Variants in UBE2D2 observed in about 807,000 individuals in gnomAD.
UBE2D2 encodes the protein ubiquitin-conjugating enzyme E2 D2.
UBE2D2 carries 2 observed loss-of-function variants against 24.2 expected under a neutral mutation model. The observed-to-expected ratio is 0.08, with a 90% CI of 0.03 to 0.26. UBE2D2 has a LOEUF of 0.26. UBE2D2 is among the 10% of genes least tolerant of loss of function. UBE2D2 has a pLI of 1.00. For missense variants in UBE2D2, 44 were observed against 177.6 expected (o/e 0.25, Z 4.28); for synonymous variants, 58 against 56.5 (o/e 1.03, Z -0.12).
chr5:139,542,521 G>A (rs970702878), intron 1 of UBE2D2, among the ~76,000 whole-genome samples: 6 of 152,056 alleles, frequency 3.9e-5, no homozygotes, highest in African/African-American at 1.2e-4. Context: ...GGGTTTTGCC[G>A]TGTTGGCTAG....
intron 2 of UBE2D2, among the ~76,000 whole-genome samples, chr5:139,604,283 C>T (rs1185015643): frequency 6.6e-6 from 1 of 151,566 alleles, no homozygotes; most frequent in Non-Finnish European, 1.5e-5. Context: ...TGATTATAGG[C>T]ACGTGCCCCG....
intron 1 of UBE2D2, among the ~76,000 whole-genome samples, chr5:139,531,643 G>GA (rs1487505613): frequency 4.4e-5 from 6 of 134,958 alleles, no homozygotes; most frequent in African/African-American, 1.4e-4. Context: ...AAAAAAGAAA[G>GA]AAAAAGAAAG....
At chr5:139,592,802 C>T (rs1465586861) in intron 1 of UBE2D2, among the ~76,000 whole-genome samples, 1 of 151,264 alleles carries the variant, frequency 6.6e-6, no homozygotes, top group Non-Finnish European at 1.5e-5. Flanking sequence ...TGGCGTTTCA[C>T]TGTGTTAGCC....
chr5:139,606,903 C>G (rs1311279438), intron 2 of UBE2D2, among the ~76,000 whole-genome samples: 1 of 152,170 alleles, frequency 6.6e-6, no homozygotes, highest in Non-Finnish European at 1.5e-5. Flanking sequence ...CTCCCGGGTT[C>G]AAGCAGTTCT....
At chr5:139,621,891 G>A (rs1754519787) in intron 5 of UBE2D2, among the ~76,000 whole-genome samples, 1 of 152,210 alleles carries the variant, frequency 6.6e-6, no homozygotes, top group Non-Finnish European at 1.5e-5. Context: ...CCAAAGTGCT[G>A]TGATTACAGG....
At chr5:139,542,420 A>G (rs995432497) in intron 1 of UBE2D2, among the ~76,000 whole-genome samples, 2 of 151,930 alleles carry the variant, frequency 1.3e-5, no homozygotes, top group Non-Finnish European at 2.9e-5. Context: ...CTTGGGCTGG[A>G]GTGCAGTGGC....
chr5:139,567,529 G>GTTTTT (rs33998713), intron 1 of UBE2D2, among the ~76,000 whole-genome samples: 7 of 100,138 alleles, frequency 7.0e-5, no homozygotes, highest in African/African-American at 1.3e-4. Context: ...AATTTGCTAA[G>GTTTTT]TTTTTTTTTT....
intron 1 of UBE2D2, among the ~76,000 whole-genome samples, chr5:139,549,659 C>G (rs994244937): frequency 2.0e-5 from 3 of 152,240 alleles, no homozygotes; most frequent in African/African-American, 7.2e-5. Context: ...GCTGGAGACT[C>G]CCCGACGGGG....
Position 139,619,510 on chromosome 5 carries a change from T to C in UBE2D2, c.305-3858T>C, listed in dbSNP as rs545323837. ...TATCTTTACAGAAGAAGGTATAGTA[T>C]ATGTATCAGTCCATTCTTGCACTGC... On this transcript the variant is annotated intron_variant, in intron 5 of 6. Coordinates refer to ENST00000398733, the MANE Select transcript of UBE2D2 (RefSeq NM_003339.3). Among the ~76,000 whole-genome samples the C allele has an allele frequency of 2.6e-4, 39 of 152,296 alleles. 1 individual carries two copies. In the South Asian group the frequency reaches 7.2e-3, roughly 28 times the overall value.
intron 1 of UBE2D2, among the ~76,000 whole-genome samples, chr5:139,564,501 T>C (rs1753177092): frequency 6.6e-6 from 1 of 152,002 alleles, no homozygotes; most frequent in Non-Finnish European, 1.5e-5. Context: ...TCGCCCAGGC[T>C]GGAGTGCAGT....
chr5:139,532,178 T>A (rs2126626873), intron 1 of UBE2D2, among the ~76,000 whole-genome samples: 1 of 150,580 alleles, frequency 6.6e-6, no homozygotes, highest in African/African-American at 2.4e-5. Context: ...TTCTACTTTT[T>A]TTTTTTTTTT....
At position 139,628,345 on chromosome 5, in the gene UBE2D2, T is replaced by G. The variant is rs1202767629; in HGVS notation, c.*1544T>G. The G allele has an allele frequency of 1.3e-5, 2 of 152,668 alleles. No individual in the cohort carries two copies. Among genetic ancestry groups the G allele is most frequent in the African/African-American group, 4.8e-5 (2 of 41,474 alleles). The allele number at this position is 152,668 out of a possible 1,614,324, so 9.5% of individuals were successfully genotyped here. On this transcript the variant is annotated 3_prime_UTR_variant, in exon 7 of 7. Transcript: ENST00000398733. ...ACTAGGCCAACCTGAAAGCCATGGC[T>G]GATGCTCTAGCCATCAGGTTCTTTC...
chr5:139,582,720 G>C (rs1399693815), intron 1 of UBE2D2, among the ~76,000 whole-genome samples: 3 of 147,296 alleles, frequency 2.0e-5, no homozygotes, highest in Non-Finnish European at 4.5e-5. Context: ...GCCCAGGCTG[G>C]AGTGCAGTGG....
intron 1 of UBE2D2, among the ~76,000 whole-genome samples, chr5:139,587,924 G>A (rs1167362270): frequency 6.6e-6 from 1 of 151,994 alleles, no homozygotes; most frequent in African/African-American, 2.4e-5. Context: ...CTGATTGGTC[G>A]GGTATTAGCT....
intron 1 of UBE2D2, among the ~76,000 whole-genome samples, chr5:139,592,719 C>T (rs985576531): frequency 3.3e-5 from 5 of 150,512 alleles, no homozygotes; most frequent in African/African-American, 9.8e-5. Context: ...TCTCCTGCCT[C>T]AGCCTCCCGA....
chr5:139,615,590 T>TA (rs1363175668), intron 5 of UBE2D2, among the ~76,000 whole-genome samples: 1 of 152,272 alleles, frequency 6.6e-6, no homozygotes, highest in East Asian at 1.9e-4. Flanking sequence ...TGGAAAAAGA[T>TA]AGATACTATT....
intron 1 of UBE2D2, chr5:139,555,150 A>C (rs1191288967): frequency 1.3e-5 from 2 of 152,012 alleles, no homozygotes; most frequent in Non-Finnish European, 2.9e-5. Context: ...GGTTCAAGCG[A>C]TTCTCCTGCC....
chr5:139,610,539 C>CA lies in UBE2D2; in HGVS notation c.89-4037dup, dbSNP rs111324253. Among the ~76,000 whole-genome samples the CA allele has an allele frequency of 5.5e-4, 78 of 141,696 alleles. 2 individuals carry two copies. The Middle Eastern group carries it at 0.012, about 21-fold the overall frequency. 93.0% of individuals were successfully genotyped at this position (141,696 alleles called of 152,430 possible). ...TGGGCAACAGAGCGAGACTCCGTCT[C>CA]AAAAAAAAAATATATTTTTTTTTTT... On this transcript the variant is annotated intron_variant, in intron 2 of 6. Coordinates refer to ENST00000398733, the MANE Select transcript of UBE2D2 (RefSeq NM_003339.3).
chr5:139,572,583 G>A (rs1419434502), intron 1 of UBE2D2, among the ~76,000 whole-genome samples: 3 of 151,338 alleles, frequency 2.0e-5, no homozygotes, highest in Admixed American at 6.6e-5. Context: ...GCCACAGAGC[G>A]AGATCTGTCT....
Sources: gnomAD v4.1 joint callset for allele counts (sites outside exome capture counted in the v4.1 genomes callset) on GRCh38, gnomAD v4.1.1 for gene constraint, MANE v1.5 for transcripts, NCBI Gene and HGNC (gene_info 2026-07-23, HGNC 2026-07-21) for gene names.